DENND5B: variants seen among roughly 807,000 people sequenced by gnomAD.
The protein encoded by DENND5B is DENN domain-containing protein 5B.
In DENND5B, 34 loss-of-function variants were observed where a neutral mutation model predicts 140.6. That is an observed-to-expected ratio of 0.24 (90% CI 0.18 to 0.32). DENND5B has a LOEUF of 0.32. Ranked by LOEUF, DENND5B falls within the 10% of genes least tolerant of loss-of-function variation. DENND5B has a pLI of 1.00. For missense variants in DENND5B, 1,142 were observed against 1,560.2 expected, an observed-to-expected ratio of 0.73 and a Z score of 4.52; for synonymous variants, 551 against 562.1, an observed-to-expected ratio of 0.98 and a Z score of 0.28.
chr12:31,486,631 T>C (rs1403918263), intron 2 of DENND5B, among the ~76,000 whole-genome samples: 3 of 152,202 alleles, frequency 2.0e-5, no homozygotes, highest in Non-Finnish European at 4.4e-5. Flanking sequence ...CAACTACTTA[T>C]TATTTGGTTC....
intron 1 of DENND5B, among the ~76,000 whole-genome samples, chr12:31,560,469 C>T (rs1565696833): frequency 6.6e-6 from 1 of 152,202 alleles, no homozygotes; most frequent in Non-Finnish European, 1.5e-5. Flanking sequence ...TGAGCCACCA[C>T]CATCATCCCT....
chr12:31,535,284 G>T, intron 1 of DENND5B: 1 of 175,656 alleles, frequency 5.7e-6, no homozygotes, highest in South Asian at 1.4e-4. Context: ...TGAACACTAG[G>T]GATAAAGATA....
intron 1 of DENND5B, among the ~76,000 whole-genome samples, chr12:31,550,630 G>A (rs1949020202): frequency 6.6e-6 from 1 of 152,042 alleles, no homozygotes; most frequent in Admixed American, 6.6e-5. Context: ...GATCCCTGAG[G>A]AATTGCCACA....
At position 31,451,995 on chromosome 12, in the gene DENND5B, G is replaced by A; in HGVS notation, c.1574C>T (p.Ala525Val). ...ADYEAFVIQT[A>V]QDMESWLTNR... The stretch of plus-strand genomic sequence containing the variant: ...GGTCAGCCAGGATTCCATGTCCTGG[G>A]CAGTCTGAATGACAAATGCTTCGTA... Residue 525 changes from alanine to valine, a missense_variant, in exon 5 of 21, where the codon GCC becomes GTC. Ala to Val is a moderately conservative substitution (Grantham distance 64, BLOSUM62 0). This residue lies in a region of DENND5B where 708 missense variants were observed against 905.5 expected (regional missense o/e 0.78). Transcript: ENST00000389082. 6.2e-7 allele frequency: 1 copy of A among 1,613,584 alleles called. No individual in the cohort carries two copies. The highest frequency in any genetic ancestry group is 8.5e-7 in the Non-Finnish European group (1 of 1,179,828).
At chr12:31,475,471 T>A (rs1398245951) in intron 3 of DENND5B, among the ~76,000 whole-genome samples, 1 of 152,108 alleles carries the variant, frequency 6.6e-6, no homozygotes, top group Non-Finnish European at 1.5e-5. Flanking sequence ...CAGGACAAGC[T>A]AAGCAGTGGC....
intron 1 of DENND5B, among the ~76,000 whole-genome samples, chr12:31,558,869 T>G (rs769852889): frequency 6.2e-4 from 94 of 152,290 alleles, no homozygotes; most frequent in Non-Finnish European, 1.1e-3. Context: ...TACTAACAAA[T>G]GCAACTAACA....
intron 19 of DENND5B, among the ~76,000 whole-genome samples, chr12:31,390,943 G>A (rs1941108639): frequency 6.6e-6 from 1 of 152,090 alleles, no homozygotes; most frequent in African/African-American, 2.4e-5. Context: ...TTGAACCCAG[G>A]AGGCAGAGGT....
chr12:31,543,918 C>T (rs1406571511), intron 1 of DENND5B, among the ~76,000 whole-genome samples: 2 of 152,178 alleles, frequency 1.3e-5, no homozygotes, highest in African/African-American at 4.8e-5. Flanking sequence ...CCTGTAATTC[C>T]AGCACTTTGG....
chr12:31,427,301 G>T (rs915359166), intron 8 of DENND5B, among the ~76,000 whole-genome samples: 1 of 151,922 alleles, frequency 6.6e-6, no homozygotes, highest in African/African-American at 2.4e-5. Context: ...TTCTTTCTAT[G>T]CTGTCTATAA....
chr12:31,475,496 C>T (rs943509633), intron 3 of DENND5B, among the ~76,000 whole-genome samples: 1 of 152,162 alleles, frequency 6.6e-6, no homozygotes, highest in African/African-American at 2.4e-5. Flanking sequence ...ACCTGTAAAC[C>T]CTACACTTTG....
intron 1 of DENND5B, among the ~76,000 whole-genome samples, chr12:31,586,058 T>C (rs1950384018): frequency 6.6e-6 from 1 of 152,230 alleles, no homozygotes. Context: ...CTTGTATATT[T>C]ATTTTACTTA....
chr12:31,453,337 A>G (rs1944624145), intron 4 of DENND5B, among the ~76,000 whole-genome samples: 1 of 152,206 alleles, frequency 6.6e-6, no homozygotes, highest in African/African-American at 2.4e-5. Context: ...TTTACACTCT[A>G]CATTTGGAAT....
intron 3 of DENND5B, among the ~76,000 whole-genome samples, chr12:31,476,680 T>C (rs1236764147): frequency 6.6e-6 from 1 of 152,116 alleles, no homozygotes. Flanking sequence ...CTCGGGACGC[T>C]GAGATGGGAG....
intron 2 of DENND5B, among the ~76,000 whole-genome samples, chr12:31,482,739 C>T (rs1946115968): frequency 6.6e-6 from 1 of 152,112 alleles, no homozygotes. Flanking sequence ...TTTACGCTTA[C>T]CACTCTAATC....
chr12:31,549,097 G>A (rs1007482544), intron 1 of DENND5B, among the ~76,000 whole-genome samples: 5 of 152,018 alleles, frequency 3.3e-5, no homozygotes, highest in Admixed American at 2.0e-4. Context: ...ACGAAGTCTC[G>A]CTTTGTTGTA....
intron 15 of DENND5B, among the ~76,000 whole-genome samples, 191 bp downstream of exon 15, chr12:31,402,307 T>C (rs1399652110): frequency 6.6e-6 from 1 of 152,046 alleles, no homozygotes; most frequent in Non-Finnish European, 1.5e-5. Flanking sequence ...AGCTTAACAA[T>C]GAAAATGCAA....
At chr12:31,416,702 GA>G (rs1051435027) in intron 11 of DENND5B, among the ~76,000 whole-genome samples, 1 of 150,870 alleles carries the variant, frequency 6.6e-6, no homozygotes, top group Non-Finnish European at 1.5e-5. Context: ...TTGAGTGTTT[GA>G]AAAAAAATCT....
At chr12:31,443,610 C>A (rs1944144249) in intron 6 of DENND5B, among the ~76,000 whole-genome samples, 1 of 152,060 alleles carries the variant, frequency 6.6e-6, no homozygotes, top group Non-Finnish European at 1.5e-5. Flanking sequence ...AAAATGATAG[C>A]AAATAAAATA....
At chr12:31,450,359 AATT>A (rs1448219780) in intron 5 of DENND5B, among the ~76,000 whole-genome samples, 21 of 30,210 alleles carry the variant, frequency 7.0e-4, no homozygotes, top group Non-Finnish European at 2.3e-3. Context: ...GAAGTAAAAA[AATT>A]ATCTTTTGTT....
Sources: allele counts gnomAD v4.1 joint callset (sites outside exome capture counted in the v4.1 genomes callset), GRCh38; gene constraint gnomAD v4.1.1; regional missense constraint gnomAD v4.1.1; transcripts MANE v1.5; gene names NCBI Gene and HGNC (gene_info 2026-07-23, HGNC 2026-07-21).